AOAH: variants seen among roughly 807,000 people sequenced by gnomAD.
The protein encoded by AOAH is acyloxyacyl hydrolase (neutrophil).
A neutral mutation model predicts 92.2 loss-of-function variants in AOAH; 64 were observed. That is an observed-to-expected ratio of 0.69 (90% confidence interval 0.57 to 0.86). AOAH has a LOEUF of 0.86. Among genes scored for constraint, AOAH ranks in the 40% least tolerant of loss-of-function variants. The pLI, the probability that AOAH is intolerant of heterozygous loss-of-function variation, is 0.00. For missense variants in AOAH, 656 were observed against 694.6 expected (o/e 0.94, Z 0.62); for synonymous variants, 263 against 254.5 (o/e 1.03, Z -0.32).
At chr7:36,576,523 A>G in intron 13 of AOAH, 51 bp downstream of exon 13, 1 of 1,070,490 alleles carries the variant, frequency 9.3e-7, no homozygotes, top group Non-Finnish European at 1.4e-6. Flanking sequence ...TATGAAATAA[A>G]CTCAATCATT....
chr7:36,674,371 A>G (rs1442542957), intron 2 of AOAH, among the ~76,000 whole-genome samples: 1 of 152,202 alleles, frequency 6.6e-6, no homozygotes, highest in African/African-American at 2.4e-5. Flanking sequence ...TGCATTAGTC[A>G]ATCATCTGAA....
intron 19 of AOAH, 42 bp downstream of exon 19, chr7:36,530,376 G>T: frequency 7.0e-7 from 1 of 1,432,648 alleles, no homozygotes; most frequent in Non-Finnish European, 9.8e-7. Context: ...TAAACTAGCT[G>T]CTGCTTTCAT....
At chr7:36,651,446 C>T (rs1403801234) in intron 4 of AOAH, among the ~76,000 whole-genome samples, 8 of 152,144 alleles carry the variant, frequency 5.3e-5, no homozygotes, top group Middle Eastern at 3.4e-3. Flanking sequence ...TTAGGGTACC[C>T]GGCTGTGGGG....
At chr7:36,661,290 ACT>A (rs760549281) in intron 3 of AOAH, 7 of 152,194 alleles carry the variant, frequency 4.6e-5, no homozygotes, top group African/African-American at 7.2e-5. Flanking sequence ...ACCCTGGGCT[ACT>A]CTCAGAATAA....
chr7:36,625,585 A>C (rs1350602490), intron 6 of AOAH, among the ~76,000 whole-genome samples: 1 of 152,130 alleles, frequency 6.6e-6, no homozygotes, highest in Non-Finnish European at 1.5e-5. Flanking sequence ...GGCCAGAGAG[A>C]GAGCCACCAG....
intron 13 of AOAH, among the ~76,000 whole-genome samples, chr7:36,549,943 C>T (rs1031443754): frequency 5.9e-5 from 9 of 152,152 alleles, no homozygotes; most frequent in South Asian, 2.1e-4. Flanking sequence ...CCAAGGCTCC[C>T]GCAGGCTGTC....
At chr7:36,667,224 G>A (rs760777516) in intron 3 of AOAH, among the ~76,000 whole-genome samples, 8 of 152,172 alleles carry the variant, frequency 5.3e-5, no homozygotes, top group Non-Finnish European at 1.0e-4. Context: ...ATTTTAAATT[G>A]CATGCTGTTT....
At chr7:36,532,031 A>G in intron 18 of AOAH, 116 bp downstream of exon 18, 3 of 1,250,272 alleles carry the variant, frequency 2.4e-6, no homozygotes, top group Non-Finnish European at 3.5e-6. Flanking sequence ...TGATTTTGTT[A>G]TTCACCAGCT....
intron 1 of AOAH, among the ~76,000 whole-genome samples, chr7:36,701,092 T>G (rs1798005899): frequency 6.6e-6 from 1 of 152,052 alleles, no homozygotes; most frequent in South Asian, 2.1e-4. Flanking sequence ...GGAGGTGTGT[T>G]GTATTACTTC....
intron 1 of AOAH, among the ~76,000 whole-genome samples, chr7:36,709,945 T>C (rs1463469851): frequency 6.6e-6 from 1 of 152,210 alleles, no homozygotes; most frequent in Non-Finnish European, 1.5e-5. Flanking sequence ...CTATTATGTA[T>C]TCATGTCTAT....
intron 11 of AOAH, among the ~76,000 whole-genome samples, chr7:36,609,369 C>G (rs1348669113): frequency 6.6e-6 from 1 of 152,100 alleles, no homozygotes; most frequent in African/African-American, 2.4e-5. Context: ...TCAAATCTGC[C>G]CCTTTCTCAG....
chr7:36,690,086 T>A (rs1267530921), intron 1 of AOAH: 1 of 417,422 alleles, frequency 2.4e-6, no homozygotes, highest in African/African-American at 2.1e-5. Context: ...AGCCTGCTTC[T>A]TTGTACTTAC....
At chr7:36,541,689 A>G (rs949184437) in intron 15 of AOAH, among the ~76,000 whole-genome samples, 1 of 152,252 alleles carries the variant, frequency 6.6e-6, no homozygotes, top group Non-Finnish European at 1.5e-5. Context: ...ATGTACCCCC[A>G]TATCTAAAAT....
intron 10 of AOAH, 77 bp from the exon 11 acceptor site, chr7:36,616,551 G>T: frequency 8.6e-7 from 1 of 1,164,626 alleles, no homozygotes; most frequent in Admixed American, 1.9e-5. Context: ...ATATAAGAGC[G>T]GATACCCTAG....
chr7:36,587,271 C>CAAAAAAA (rs57475443), intron 12 of AOAH, among the ~76,000 whole-genome samples: 28 of 84,884 alleles, frequency 3.3e-4, no homozygotes, highest in South Asian at 4.0e-4. Flanking sequence ...GACTCCGTCT[C>CAAAAAAA]AAAAAAAAAA....
intron 16 of AOAH, among the ~76,000 whole-genome samples, chr7:36,540,073 C>T (rs1239208145): frequency 6.6e-6 from 1 of 152,204 alleles, no homozygotes; most frequent in Non-Finnish European, 1.5e-5. Context: ...GGTTTGAGCA[C>T]TTACCTTTCA....
intron 4 of AOAH, among the ~76,000 whole-genome samples, chr7:36,656,809 G>A (rs1026014433): frequency 1.4e-5 from 2 of 146,670 alleles, no homozygotes; most frequent in Non-Finnish European, 3.0e-5. Context: ...ACTTCACCAC[G>A]GCACCTAGAT....
At chr7:36,675,877 A>C (rs1796224445) in intron 2 of AOAH, among the ~76,000 whole-genome samples, 1 of 151,132 alleles carries the variant, frequency 6.6e-6, no homozygotes, top group Non-Finnish European at 1.5e-5. Flanking sequence ...CAACAACATA[A>C]AAAAAACCAT....
chr7:36,704,503 C>T (rs1798261962), intron 1 of AOAH, among the ~76,000 whole-genome samples: 1 of 152,032 alleles, frequency 6.6e-6, no homozygotes, highest in East Asian at 1.9e-4. Context: ...TAATTAATAG[C>T]CTAGCAACCC....
Sources: gnomAD v4.1 joint callset for allele counts (sites outside exome capture counted in the v4.1 genomes callset) on GRCh38, gnomAD v4.1.1 for gene constraint, MANE v1.5 for transcripts, NCBI Gene and HGNC (gene_info 2026-07-23, HGNC 2026-07-21) for gene names.